The following HTR7 variants were observed in gnomAD, a reference collection of about 807,000 sequenced individuals.
The protein encoded by HTR7 is 5-HT-7.
Under a neutral mutation model 34.0 loss-of-function variants are expected in HTR7, and 16 were observed. That is an observed-to-expected ratio of 0.47 (90% confidence interval 0.32 to 0.71). The LOEUF is 0.71. Among genes scored for constraint, HTR7 ranks in the 30% least tolerant of loss-of-function variants. The probability of loss-of-function intolerance (pLI) is 0.04; values close to 1 mark genes in which losing one functional copy is unlikely to be tolerated. For missense variants in HTR7, 504 were observed against 625.5 expected, an observed-to-expected ratio of 0.81 and a Z score of 2.07; for synonymous variants, 265 against 260.2, an observed-to-expected ratio of 1.02 and a Z score of -0.18.
chr10:90,831,769 A>G (rs1026316433), intron 1 of HTR7, among the ~76,000 whole-genome samples: 1 of 152,168 alleles, frequency 6.6e-6, no homozygotes, highest in African/African-American at 2.4e-5. Flanking sequence ...TCCCCACTAG[A>G]TTAGCTAGAT....
intron 1 of HTR7, among the ~76,000 whole-genome samples, chr10:90,824,329 T>G (rs959572740): frequency 6.6e-6 from 1 of 152,178 alleles, no homozygotes; most frequent in African/African-American, 2.4e-5. Context: ...ATTAATAACC[T>G]CCTGACTAAA....
At chr10:90,751,317 A>G (rs949563436) in intron 1 of HTR7, among the ~76,000 whole-genome samples, 2 of 152,114 alleles carry the variant, frequency 1.3e-5, no homozygotes, top group Admixed American at 6.5e-5. Context: ...AGGAAGAGGG[A>G]AAAGGGAAGA....
chr10:90,762,737 G>T (rs1844960068), intron 1 of HTR7, among the ~76,000 whole-genome samples: 1 of 152,092 alleles, frequency 6.6e-6, no homozygotes, highest in Admixed American at 6.5e-5. Context: ...CTTTTACCCG[G>T]TGTTTTCTTC....
chr10:90,815,781 G>C (rs1037430433), intron 1 of HTR7, among the ~76,000 whole-genome samples: 15 of 152,174 alleles, frequency 9.9e-5, no homozygotes, highest in African/African-American at 3.4e-4. Context: ...GATTGCCCAA[G>C]CCCACAGAGT....
At chr10:90,836,131 C>T (rs1846248856) in intron 1 of HTR7, among the ~76,000 whole-genome samples, 1 of 152,176 alleles carries the variant, frequency 6.6e-6, no homozygotes. Context: ...CCTTGAGCAG[C>T]ATCTGAACTC....
chr10:90,756,267 G>T (rs555314246), intron 1 of HTR7, among the ~76,000 whole-genome samples: 1 of 152,310 alleles, frequency 6.6e-6, no homozygotes, highest in African/African-American at 2.4e-5. Context: ...CTTCCTCTGG[G>T]TGTGTTACAT....
At chr10:90,745,442 A>T (rs984579492) in intron 2 of HTR7, among the ~76,000 whole-genome samples, 2 of 152,200 alleles carry the variant, frequency 1.3e-5, no homozygotes, top group African/African-American at 4.8e-5. Flanking sequence ...ATAGTATTGC[A>T]TTGGGAATTT....
intron 1 of HTR7, among the ~76,000 whole-genome samples, chr10:90,752,415 C>A (rs1002484414): frequency 6.6e-6 from 1 of 151,818 alleles, no homozygotes; most frequent in Non-Finnish European, 1.5e-5. Context: ...TACTTAAATC[C>A]ATGGGGGAAA....
chr10:90,748,176 G>C (rs1347569309), intron 2 of HTR7, among the ~76,000 whole-genome samples: 1 of 152,058 alleles, frequency 6.6e-6, no homozygotes, highest in Non-Finnish European at 1.5e-5. Flanking sequence ...GTCTTGCTCT[G>C]TCAACCAGGT....
At chr10:90,771,546 A>G (rs2119820757) in intron 1 of HTR7, among the ~76,000 whole-genome samples, 1 of 152,296 alleles carries the variant, frequency 6.6e-6, no homozygotes, top group Middle Eastern at 3.4e-3. Flanking sequence ...GGGTGCCACC[A>G]CATTCCCCAA....
At chr10:90,754,854 T>C (rs1420272071) in intron 1 of HTR7, among the ~76,000 whole-genome samples, 1 of 152,256 alleles carries the variant, frequency 6.6e-6, no homozygotes, top group African/African-American at 2.4e-5. Context: ...GGTGGTTTTT[T>C]AGAGCGTTCA....
rs536762761 is a variant in HTR7, at chr10:90,811,880, G to GT, written c.539+45252dup. Among the ~76,000 whole-genome samples the GT allele has an allele frequency of 1.2e-3, 176 of 150,764 alleles. 2 individuals carry two copies. Among genetic ancestry groups the GT allele is most frequent in the African/African-American group, 3.8e-3 (159 of 41,430 alleles). On this transcript the variant is annotated intron_variant, in intron 1 of 3. Transcript: ENST00000336152. ...CCCTTCTGTCAGACATAATTCCTTA[G>GT]TTTAGCCTTCCCACCTCTATACAGT...
At chr10:90,818,801 G>A (rs2119999852) in intron 1 of HTR7, among the ~76,000 whole-genome samples, 1 of 152,280 alleles carries the variant, frequency 6.6e-6, no homozygotes, top group East Asian at 1.9e-4. Context: ...CCCCAGTGTT[G>A]GAGAAAAGGC....
At chr10:90,844,075 C>T (rs530943502) in intron 1 of HTR7, among the ~76,000 whole-genome samples, 1 of 152,342 alleles carries the variant, frequency 6.6e-6, no homozygotes, top group African/African-American at 2.4e-5. Flanking sequence ...AAAATATTTA[C>T]TGTCTATACC....
At chr10:90,780,755 A>C (rs12261388) in intron 1 of HTR7, among the ~76,000 whole-genome samples, 3,379 of 152,186 alleles carry the variant, frequency 0.022, 117 homozygotes, top group African/African-American at 0.078. Context: ...TGACAAAATC[A>C]AACTCTCCAC....
intron 1 of HTR7, among the ~76,000 whole-genome samples, chr10:90,781,123 C>T (rs1467047782): frequency 1.3e-5 from 2 of 152,124 alleles, no homozygotes; most frequent in African/African-American, 4.8e-5. Context: ...CCTAGATCCC[C>T]AATACTGCTC....
At chr10:90,776,183 C>T (rs1327552623) in intron 1 of HTR7, among the ~76,000 whole-genome samples, 2 of 152,136 alleles carry the variant, frequency 1.3e-5, no homozygotes, top group Non-Finnish European at 2.9e-5. Context: ...ATAGGGTCTA[C>T]CTGCTCTTTG....
chr10:90,834,615 A>G (rs1013505762), intron 1 of HTR7, among the ~76,000 whole-genome samples: 1 of 152,080 alleles, frequency 6.6e-6, no homozygotes, highest in South Asian at 2.1e-4. Flanking sequence ...TAATAACTTC[A>G]TTCATTCACT....
intron 1 of HTR7, among the ~76,000 whole-genome samples, chr10:90,830,940 C>T (rs887615858): frequency 5.3e-5 from 8 of 152,218 alleles, no homozygotes; most frequent in Non-Finnish European, 7.3e-5. Context: ...GATCTCCAGA[C>T]AAGAGGTCAG....
Sources: gnomAD v4.1 joint callset for allele counts (sites outside exome capture counted in the v4.1 genomes callset) on GRCh38, gnomAD v4.1.1 for gene constraint, MANE v1.5 for transcripts, NCBI Gene and HGNC (gene_info 2026-07-23, HGNC 2026-07-21) for gene names.